Variants in CCDC12 observed in about 807,000 individuals in gnomAD.
CCDC12 encodes coiled-coil domain-containing protein 12.
CCDC12 carries 28 observed loss-of-function variants against 25.7 expected under a neutral mutation model. That is an observed-to-expected ratio of 1.09 (90% CI 0.81 to 1.50). The LOEUF (loss-of-function observed/expected upper bound fraction) is 1.50, where lower values mean the gene tolerates loss of function less well. Among genes scored for constraint, CCDC12 ranks in the 40% most tolerant of loss-of-function variants. CCDC12 has a pLI of 0.00. For synonymous variants in CCDC12, 75 were observed against 87.7 expected, an observed-to-expected ratio of 0.86 and a Z score of 0.81; for missense variants, 198 against 210.0, an observed-to-expected ratio of 0.94 and a Z score of 0.35.
At chr3:46,962,102 T>A (rs1404233093) in intron 1 of CCDC12, among the ~76,000 whole-genome samples, 2 of 152,136 alleles carry the variant, frequency 1.3e-5, no homozygotes, top group Non-Finnish European at 2.9e-5. Flanking sequence ...AAAAAAATGA[T>A]AAACTACATT....
At chr3:46,981,124 T>C (rs898500304), upstream of CCDC12, among the ~76,000 whole-genome samples, 1 of 152,216 alleles carries the variant, frequency 6.6e-6, no homozygotes, top group African/African-American at 2.4e-5. Flanking sequence ...ACTCGACTTC[T>C]GAGCCTCTGC....
At chr3:46,923,096 T>C in intron 5 of CCDC12, 1 of 401,122 alleles carries the variant, frequency 2.5e-6, no homozygotes, top group Non-Finnish European at 4.3e-6. Flanking sequence ...CAGGAGGGCC[T>C]TCATGAGGGG....
At chr3:46,973,951 CA>C (rs1199767390) in intron 1 of CCDC12, among the ~76,000 whole-genome samples, 4 of 152,166 alleles carry the variant, frequency 2.6e-5, no homozygotes, top group Non-Finnish European at 4.4e-5. Flanking sequence ...TCACAACAGG[CA>C]AAACGTAGAA....
intron 1 of CCDC12, among the ~76,000 whole-genome samples, chr3:46,943,877 G>A (rs926292116): frequency 2.0e-5 from 3 of 152,248 alleles, no homozygotes; most frequent in Non-Finnish European, 4.4e-5. Context: ...TCTGTGGCAG[G>A]AGCAGGTGAA....
At chr3:46,949,825 G>A (rs146716350) in intron 1 of CCDC12, among the ~76,000 whole-genome samples, 1,526 of 152,136 alleles carry the variant, frequency 0.01, 31 homozygotes, top group African/African-American at 0.035. Context: ...TCAGGAGTTC[G>A]AGACCAGCCT....
intron 2 of CCDC12, among the ~76,000 whole-genome samples, chr3:46,938,763 G>A (rs181605995): frequency 1.6e-4 from 24 of 151,726 alleles, no homozygotes; most frequent in Non-Finnish European, 2.7e-4. Flanking sequence ...TGGGAAGATC[G>A]CTTGAGCTTG....
At chr3:46,926,609 T>C (rs1246621444) in intron 2 of CCDC12, among the ~76,000 whole-genome samples, 2 of 152,082 alleles carry the variant, frequency 1.3e-5, no homozygotes, top group African/African-American at 4.8e-5. Flanking sequence ...CAGGAAAATG[T>C]GTCCCTGGTA....
At chr3:46,924,942 G>A (rs2032876845) in intron 3 of CCDC12, 2 of 246,602 alleles carry the variant, frequency 8.1e-6, no homozygotes, top group South Asian at 8.7e-5. Flanking sequence ...TGGACGGCCA[G>A]AAGCTCCTGG....
At chr3:46,932,291 G>A (rs777728386) in intron 2 of CCDC12, among the ~76,000 whole-genome samples, 9 of 152,222 alleles carry the variant, frequency 5.9e-5, no homozygotes, top group Non-Finnish European at 8.8e-5. Context: ...TCTTCTGGCA[G>A]AGTGCCCTAG....
chr3:46,927,578 C>T (rs2033018052), intron 2 of CCDC12, among the ~76,000 whole-genome samples: 1 of 152,188 alleles, frequency 6.6e-6, no homozygotes, highest in Non-Finnish European at 1.5e-5. Context: ...GGGAGCAGAG[C>T]CTTGCGCCCA....
At chr3:46,941,544 G>A (rs1166526749) in intron 1 of CCDC12, among the ~76,000 whole-genome samples, 6 of 145,184 alleles carry the variant, frequency 4.1e-5, no homozygotes, top group South Asian at 2.3e-4. Context: ...CAGCCTGGGC[G>A]ACAGAGCGAG....
chr3:46,975,555 G>A (rs1486368020), intron 1 of CCDC12, among the ~76,000 whole-genome samples: 1 of 125,862 alleles, frequency 7.9e-6, no homozygotes, highest in Non-Finnish European at 1.7e-5. Flanking sequence ...TTTTGAGACG[G>A]AGTCTCGCTC....
intron 1 of CCDC12, among the ~76,000 whole-genome samples, chr3:46,971,830 G>C (rs2034810992): frequency 6.6e-6 from 1 of 152,198 alleles, no homozygotes; most frequent in South Asian, 2.1e-4. Context: ...AGTGCAGGCA[G>C]AGAAGGTGCT....
At chr3:46,977,921 C>T (rs1459559868), upstream of CCDC12, among the ~76,000 whole-genome samples, 1 of 152,210 alleles carries the variant, frequency 6.6e-6, no homozygotes, top group East Asian at 1.9e-4. Flanking sequence ...TCCTGATAAC[C>T]GCGAGACCAC....
intron 1 of CCDC12, among the ~76,000 whole-genome samples, chr3:46,956,959 T>C (rs984655541): frequency 1.2e-4 from 19 of 152,160 alleles, no homozygotes; most frequent in African/African-American, 4.3e-4. Flanking sequence ...TAGACTGGTG[T>C]GTCCAATGCA....
chr3:46,943,569 T>C (rs2033796973), intron 1 of CCDC12, among the ~76,000 whole-genome samples: 1 of 152,176 alleles, frequency 6.6e-6, no homozygotes, highest in Non-Finnish European at 1.5e-5. Context: ...TACGGGAAAG[T>C]GTCCAGCCTT....
At chr3:46,940,405 A>C (rs1267713102) in intron 2 of CCDC12, among the ~76,000 whole-genome samples, 1 of 152,200 alleles carries the variant, frequency 6.6e-6, no homozygotes, top group African/African-American at 2.4e-5. Flanking sequence ...AAATAAGATA[A>C]ATACTACAGA....
At chr3:46,944,117 G>C (rs2033817360) in intron 1 of CCDC12, among the ~76,000 whole-genome samples, 1 of 152,158 alleles carries the variant, frequency 6.6e-6, no homozygotes, top group South Asian at 2.1e-4. Flanking sequence ...GACCTGGAGG[G>C]CTCGCAGGAT....
intron 1 of CCDC12, among the ~76,000 whole-genome samples, chr3:46,948,805 C>CAG (rs144165710): frequency 0.014 from 2,132 of 152,364 alleles, 22 homozygotes; most frequent in South Asian, 0.028. Flanking sequence ...ATGTGTCTGT[C>CAG]AGGAGTGTGG....
Sources: allele counts gnomAD v4.1 joint callset (sites outside exome capture counted in the v4.1 genomes callset), GRCh38; gene constraint gnomAD v4.1.1; transcripts MANE v1.5; gene names NCBI Gene and HGNC (gene_info 2026-07-23, HGNC 2026-07-21).